Variants in CCDC178 observed in about 807,000 individuals in gnomAD.
The protein encoded by CCDC178 is coiled-coil domain containing 178.
A neutral mutation model predicts 117.4 loss-of-function variants in CCDC178; 126 were observed. The ratio of observed to expected loss-of-function variants is 1.07; its 90% CI spans 0.93 to 1.24. The LOEUF (loss-of-function observed/expected upper bound fraction) is 1.24. Among genes scored for constraint, CCDC178 ranks in the 50% most tolerant of loss-of-function variants. The pLI is 0.00. For missense variants in CCDC178, 1,030 were observed against 986.9 expected (o/e 1.04, Z -0.59); for synonymous variants, 283 against 313.4 (o/e 0.90, Z 1.02).
At chr18:33,284,031 C>A (rs1000428798) in intron 12 of CCDC178, among the ~76,000 whole-genome samples, 6 of 152,100 alleles carry the variant, frequency 3.9e-5, no homozygotes, top group Admixed American at 6.5e-5. Flanking sequence ...ATAGACCTGG[C>A]AAAGAAAATG....
chr18:33,343,025 C>T (rs1215993107), intron 9 of CCDC178, among the ~76,000 whole-genome samples: 1 of 152,102 alleles, frequency 6.6e-6, no homozygotes, highest in Non-Finnish European at 1.5e-5. Flanking sequence ...TAGCTTTCAC[C>T]CTTCCCATCA....
At chr18:33,188,185 T>C (rs1485109434) in intron 20 of CCDC178, among the ~76,000 whole-genome samples, 1 of 151,918 alleles carries the variant, frequency 6.6e-6, no homozygotes, top group Admixed American at 6.6e-5. Context: ...GCCAATTAGG[T>C]AAAATGCCAT....
Position 33,009,625 on chromosome 18 carries a change from C to T in CCDC178, c.2389-34944G>A, listed in dbSNP as rs528410376. The stretch of plus-strand genomic sequence containing the variant: ...CTAGAATTCCATCCCTTCCCCAACA[C>T]ACATTCCTATATCCATTCTAGATTA... On this transcript the variant is annotated intron_variant, in intron 21 of 22. Coordinates refer to ENST00000383096, the MANE Select transcript of CCDC178 (RefSeq NM_001105528.4). Among the ~76,000 whole-genome samples the T allele has an allele frequency of 1.5e-4, 23 of 152,272 alleles. No individual in the cohort carries two copies. The South Asian group carries it at 4.8e-3, about 32-fold the overall frequency.
chr18:32,962,742 C>T (rs1484295630), intron 22 of CCDC178, among the ~76,000 whole-genome samples: 2 of 151,554 alleles, frequency 1.3e-5, no homozygotes, highest in Admixed American at 1.3e-4. Flanking sequence ...TTGGGGGGTT[C>T]TTTGAATTAA....
At chr18:33,228,435 G>T (rs189636699) in intron 15 of CCDC178, among the ~76,000 whole-genome samples, 1 of 152,284 alleles carries the variant, frequency 6.6e-6, no homozygotes, top group East Asian at 1.9e-4. Flanking sequence ...TGGATGTGTG[G>T]CTTGGAAAGA....
At chr18:33,098,250 C>T (rs567853245) in intron 20 of CCDC178, among the ~76,000 whole-genome samples, 78 of 152,182 alleles carry the variant, frequency 5.1e-4, no homozygotes, top group African/African-American at 1.6e-3. Flanking sequence ...TTTACAAATA[C>T]CTTATTGTTA....
chr18:33,409,417 C>T (rs548838826), intron 3 of CCDC178, among the ~76,000 whole-genome samples: 79 of 152,122 alleles, frequency 5.2e-4, no homozygotes, highest in African/African-American at 1.8e-3. Flanking sequence ...TGAGAGTTTC[C>T]ATATGATTGC....
At chr18:32,952,262 A>C (rs1196126542) in intron 22 of CCDC178, among the ~76,000 whole-genome samples, 3 of 152,252 alleles carry the variant, frequency 2.0e-5, no homozygotes, top group Non-Finnish European at 4.4e-5. Context: ...CTGCCCTAGC[A>C]GAAGTTCTCC....
chr18:32,982,145 A>C (rs2055166692), intron 21 of CCDC178, among the ~76,000 whole-genome samples: 1 of 152,116 alleles, frequency 6.6e-6, no homozygotes, highest in Non-Finnish European at 1.5e-5. Context: ...GATAAAATTA[A>C]ATCATTTTTA....
intron 22 of CCDC178, among the ~76,000 whole-genome samples, chr18:32,953,221 G>A (rs929731339): frequency 6.6e-6 from 1 of 152,160 alleles, no homozygotes; most frequent in Non-Finnish European, 1.5e-5. Flanking sequence ...CTTTGCTAAC[G>A]CATAACAAGA....
Position 33,114,453 on chromosome 18 carries a change from T to C in CCDC178, c.2239-21543A>G, listed in dbSNP as rs534823640. On this transcript the variant is annotated intron_variant, in intron 20 of 22. Transcript: ENST00000383096. ...ACACTGCAATGGGGATTGGACTTTG[T>C]GAATTCAGAATTGGTTCATAATGGT... 4.6e-5 allele frequency among the ~76,000 whole-genome samples: 7 copies of C among 152,132 alleles called. No homozygotes were observed. The East Asian group carries it at 1.4e-3, about 30-fold the overall frequency.
chr18:33,135,673 C>T (rs1269216682), intron 20 of CCDC178, among the ~76,000 whole-genome samples: 2 of 152,134 alleles, frequency 1.3e-5, no homozygotes, highest in Admixed American at 6.6e-5. Flanking sequence ...ATTGCATGAG[C>T]GGTTTCACCA....
chr18:33,192,275 T>C (rs543638481), intron 20 of CCDC178, among the ~76,000 whole-genome samples: 21 of 152,072 alleles, frequency 1.4e-4, no homozygotes, highest in Admixed American at 5.9e-4. Flanking sequence ...TACAGAAAAA[T>C]ACATGCAGCA....
At chr18:33,334,193 A>G (rs1371988177) in intron 9 of CCDC178, among the ~76,000 whole-genome samples, 2 of 152,178 alleles carry the variant, frequency 1.3e-5, no homozygotes, top group African/African-American at 4.8e-5. Flanking sequence ...CTATATATAA[A>G]TATGTTGAAA....
chr18:33,008,165 TA>T (rs140357050), intron 21 of CCDC178, among the ~76,000 whole-genome samples: 12,082 of 152,128 alleles, frequency 0.079, 623 homozygotes, highest in African/African-American at 0.14. Context: ...GGCAAACCAA[TA>T]ATTAGTAACA....
intron 5 of CCDC178, among the ~76,000 whole-genome samples, chr18:33,378,543 G>C (rs1335516571): frequency 6.6e-6 from 1 of 152,086 alleles, no homozygotes. Context: ...TTCCAGTTTT[G>C]CTCATTCAGT....
intron 12 of CCDC178, among the ~76,000 whole-genome samples, chr18:33,281,232 T>G (rs546346597): frequency 1.3e-5 from 2 of 152,194 alleles, no homozygotes; most frequent in Middle Eastern, 3.4e-3. Context: ...TGCTATTTAT[T>G]GCAATGAGAG....
chr18:33,433,563 AG>A (rs2064248715), intron 2 of CCDC178, among the ~76,000 whole-genome samples: 1 of 152,184 alleles, frequency 6.6e-6, no homozygotes, highest in Non-Finnish European at 1.5e-5. Context: ...GATCCCAGTA[AG>A]CCATCTATAG....
At chr18:33,166,838 A>T (rs905689990) in intron 20 of CCDC178, among the ~76,000 whole-genome samples, 10 of 152,146 alleles carry the variant, frequency 6.6e-5, no homozygotes, top group Non-Finnish European at 1.2e-4. Flanking sequence ...TAGGTAAATT[A>T]CTTGTCTCAG....
Sources: allele counts gnomAD v4.1 joint callset (sites outside exome capture counted in the v4.1 genomes callset), GRCh38; gene constraint gnomAD v4.1.1; transcripts MANE v1.5; gene names NCBI Gene and HGNC (gene_info 2026-07-23, HGNC 2026-07-21).